Variants in HS6ST3 observed in about 807,000 individuals in gnomAD.
HS6ST3 encodes the protein heparan-sulfate 6-O-sulfotransferase 3.
A neutral mutation model predicts 36.7 loss-of-function variants in HS6ST3; 12 were observed. The observed-to-expected ratio is 0.33, with a 90% CI of 0.21 to 0.53. The LOEUF (loss-of-function observed/expected upper bound fraction) is 0.53. HS6ST3 is among the 20% of genes least tolerant of loss of function. The pLI is 0.95. For missense variants in HS6ST3, 584 were observed against 640.9 expected (o/e 0.91, Z 0.96); for synonymous variants, 240 against 257.5 (o/e 0.93, Z 0.65).
intron 1 of HS6ST3, among the ~76,000 whole-genome samples, chr13:96,136,652 A>T (rs2054003197): frequency 6.7e-6 from 1 of 149,188 alleles, no homozygotes; most frequent in South Asian, 2.1e-4. Flanking sequence ...TATCATGTAT[A>T]TTTAAGGTAT....
At chr13:96,572,247 A>T (rs1333469478) in intron 1 of HS6ST3, among the ~76,000 whole-genome samples, 1 of 152,224 alleles carries the variant, frequency 6.6e-6, no homozygotes, top group Non-Finnish European at 1.5e-5. Context: ...GTGAAAATGA[A>T]TTATTATTAC....
intron 1 of HS6ST3, among the ~76,000 whole-genome samples, chr13:96,273,825 C>A (rs2054732984): frequency 1.3e-5 from 2 of 151,970 alleles, no homozygotes; most frequent in Admixed American, 1.3e-4. Context: ...AGAGCTGAGC[C>A]TCAGGAACAA....
rs576865743 is a variant in HS6ST3, at chr13:96,251,912, A to G, written c.707+160343A>G. Among the ~76,000 whole-genome samples, 35 of 152,310 alleles carry G rather than the reference A, an allele frequency of 2.3e-4. No individual in the cohort carries two copies. In the South Asian group the frequency reaches 7.3e-3, roughly 32 times the overall value. On this transcript the variant is annotated intron_variant, in intron 1 of 1. Coordinates refer to ENST00000376705, the MANE Select transcript of HS6ST3 (RefSeq NM_153456.4). ...TAGTTTCATACCATTGTGGTCAAGT[A>G]AAAGATACTTGTTATAATTTTCATC...
intron 1 of HS6ST3, among the ~76,000 whole-genome samples, chr13:96,670,209 G>A (rs918696177): frequency 1.2e-4 from 18 of 152,140 alleles, no homozygotes; most frequent in Non-Finnish European, 2.5e-4. Context: ...CAGAAGATGG[G>A]AGTGGCTAGC....
chr13:96,383,311 GGGCGTGGT>G, intron 1 of HS6ST3, among the ~76,000 whole-genome samples: 1 of 152,234 alleles, frequency 6.6e-6, no homozygotes, highest in South Asian at 2.1e-4. Flanking sequence ...AAAATTAGCT[GGGCGTGGT>G]GGCATGCTCC....
At chr13:96,790,685 C>T (rs889255220) in intron 1 of HS6ST3, among the ~76,000 whole-genome samples, 1 of 151,958 alleles carries the variant, frequency 6.6e-6, no homozygotes, top group Non-Finnish European at 1.5e-5. Flanking sequence ...CTTCAGAAGA[C>T]ATTCTGTTAA....
chr13:96,763,412 A>G (rs1877015747), intron 1 of HS6ST3, among the ~76,000 whole-genome samples: 1 of 150,906 alleles, frequency 6.6e-6, no homozygotes, highest in African/African-American at 2.4e-5. Flanking sequence ...AATCACTTGA[A>G]CCTGGGAGGC....
At chr13:96,571,669 G>A (rs962952761) in intron 1 of HS6ST3, among the ~76,000 whole-genome samples, 1 of 152,110 alleles carries the variant, frequency 6.6e-6, no homozygotes, top group African/African-American at 2.4e-5. Flanking sequence ...CATGAGTCTA[G>A]GTCTTAGTCA....
At chr13:96,519,434 T>G (rs970385094) in intron 1 of HS6ST3, among the ~76,000 whole-genome samples, 3 of 152,232 alleles carry the variant, frequency 2.0e-5, no homozygotes, top group African/African-American at 7.2e-5. Flanking sequence ...ACTGAACTTA[T>G]GTGTGTTAAC....
intron 1 of HS6ST3, among the ~76,000 whole-genome samples, chr13:96,576,869 A>G (rs1026489397): frequency 4.2e-5 from 6 of 142,418 alleles, no homozygotes; most frequent in Admixed American, 1.5e-4. Context: ...GCTTGAACCC[A>G]GGAGGCAAAG....
At chr13:96,361,127 TAGAG>T (rs2055236625) in intron 1 of HS6ST3, among the ~76,000 whole-genome samples, 1 of 152,202 alleles carries the variant, frequency 6.6e-6, no homozygotes, top group Non-Finnish European at 1.5e-5. Flanking sequence ...TCTCTTGATT[TAGAG>T]AGTCTTTTGA....
At chr13:96,524,979 G>T (rs1364453843) in intron 1 of HS6ST3, among the ~76,000 whole-genome samples, 1 of 152,138 alleles carries the variant, frequency 6.6e-6, no homozygotes, top group Non-Finnish European at 1.5e-5. Context: ...TTCCTATTCG[G>T]CCATCTTGGA....
intron 1 of HS6ST3, among the ~76,000 whole-genome samples, chr13:96,479,048 C>T (rs553199923): frequency 6.6e-6 from 1 of 152,302 alleles, no homozygotes; most frequent in East Asian, 1.9e-4. Context: ...AATGGAGTCA[C>T]CACTAGAAAA....
chr13:96,346,477 AG>A (rs1393012071), intron 1 of HS6ST3, among the ~76,000 whole-genome samples: 1 of 151,852 alleles, frequency 6.6e-6, no homozygotes, highest in Non-Finnish European at 1.5e-5. Flanking sequence ...TGGGAGGCTG[AG>A]GCAGGAGAAT....
intron 1 of HS6ST3, among the ~76,000 whole-genome samples, chr13:96,686,820 G>A (rs1160556640): frequency 1.3e-5 from 2 of 151,972 alleles, no homozygotes; most frequent in African/African-American, 4.8e-5. Flanking sequence ...TGGTGTGAGG[G>A]ATGGGATTCA....
intron 1 of HS6ST3, among the ~76,000 whole-genome samples, chr13:96,604,698 T>C (rs1207236132): frequency 2.6e-5 from 4 of 152,204 alleles, no homozygotes; most frequent in African/African-American, 7.2e-5. Context: ...TAAAACAAGT[T>C]GAGCATATTA....
chr13:96,162,218 A>T (rs890271462), intron 1 of HS6ST3, among the ~76,000 whole-genome samples: 2 of 152,230 alleles, frequency 1.3e-5, no homozygotes, highest in South Asian at 2.1e-4. Context: ...TGGTAGACGG[A>T]TTCATAAGCT....
At chr13:96,208,997 A>G (rs903670821) in intron 1 of HS6ST3, among the ~76,000 whole-genome samples, 1 of 152,192 alleles carries the variant, frequency 6.6e-6, no homozygotes, top group Non-Finnish European at 1.5e-5. Flanking sequence ...CATTAACTGC[A>G]TGAGTTTGTG....
At chr13:96,475,565 G>A (rs184789802) in intron 1 of HS6ST3, among the ~76,000 whole-genome samples, 7 of 147,444 alleles carry the variant, frequency 4.7e-5, no homozygotes, top group South Asian at 2.1e-4. Flanking sequence ...CTATTTGGCC[G>A]GAATACAGCT....
Sources: gnomAD v4.1 joint callset for allele counts (sites outside exome capture counted in the v4.1 genomes callset) on GRCh38, gnomAD v4.1.1 for gene constraint, MANE v1.5 for transcripts, NCBI Gene and HGNC (gene_info 2026-07-23, HGNC 2026-07-21) for gene names.